Variants in NELL2 observed in about 807,000 individuals in gnomAD.
NELL2 encodes neural EGFL like 2, also known as protein kinase C-binding protein NELL2.
In NELL2, 41 loss-of-function variants were observed where a neutral mutation model predicts 109.6. The ratio of observed to expected loss-of-function variants is 0.37; its 90% CI spans 0.29 to 0.49. The LOEUF is 0.49. NELL2 is among the 20% of genes least tolerant of loss of function. NELL2 has a pLI of 0.98. For missense variants in NELL2, 900 were observed against 1,008.3 expected, an observed-to-expected ratio of 0.89 and a Z score of 1.45; for synonymous variants, 355 against 344.7, an observed-to-expected ratio of 1.03 and a Z score of -0.33.
At chr12:44,548,477 G>A (rs971277000) in intron 15 of NELL2, among the ~76,000 whole-genome samples, 10 of 151,586 alleles carry the variant, frequency 6.6e-5, no homozygotes, top group South Asian at 4.2e-4. Flanking sequence ...CCTGGGAGGC[G>A]GAGGTTGCAG....
chr12:44,859,547 A>C (rs1229154330), intron 2 of NELL2, among the ~76,000 whole-genome samples: 1 of 152,216 alleles, frequency 6.6e-6, no homozygotes, highest in Non-Finnish European at 1.5e-5. Context: ...TCTCAAGAAA[A>C]AAATAAAAAT....
intron 15 of NELL2, among the ~76,000 whole-genome samples, chr12:44,577,629 A>ACCATGCC (rs1944154410): frequency 6.6e-6 from 1 of 150,814 alleles, no homozygotes; most frequent in African/African-American, 2.4e-5. Context: ...AGGCGCCACC[A>ACCATGCC]CCATGCCCGG....
Position 44,508,889 on chromosome 12 carries a change from G to A in NELL2, c.*45C>T. ...TTTAACTTCTTTTTGGTCTTTTAAT[G>A]AAAGAACATTCTTTTAACAGAAATC... On this transcript the variant is annotated 3_prime_UTR_variant, in exon 20 of 20. Transcript: ENST00000429094. 1 of 1,545,524 alleles carries A rather than the reference G, an allele frequency of 6.5e-7. No individual in the cohort carries two copies. Among genetic ancestry groups the A allele is most frequent in the South Asian group, 1.2e-5 (1 of 85,260 alleles).
intron 13 of NELL2, among the ~76,000 whole-genome samples, chr12:44,644,612 A>ATGTATGTG (rs1374921371): frequency 6.3e-5 from 6 of 94,502 alleles, no homozygotes; most frequent in Admixed American, 1.1e-4. Flanking sequence ...ATGTATGTAT[A>ATGTATGTG]TATATATATA....
intron 1 of NELL2, among the ~76,000 whole-genome samples, chr12:44,887,364 C>A (rs1386167493): frequency 2.0e-5 from 3 of 151,842 alleles, no homozygotes; most frequent in Non-Finnish European, 4.4e-5. Context: ...TCAAAAGTGG[C>A]CGTAGTAATT....
In NELL2 at chr12:44,518,276, G is replaced by A. The variant is rs182720088; in HGVS notation, c.2400+1729C>T. Among the ~76,000 whole-genome samples, 214 of 147,304 alleles carry A rather than the reference G, an allele frequency of 1.5e-3. 2 individuals are homozygous for A. Among genetic ancestry groups the A allele is most frequent in the East Asian group, 0.011 (54 of 5,050 alleles). ...TTTTTTTTTTCTGAGATGGAGTCTC[G>A]CTCTGTTGCCCAGGCTGGAGGGCAG... On this transcript the variant is annotated intron_variant, in intron 19 of 19. Transcript: ENST00000429094.
intron 15 of NELL2, among the ~76,000 whole-genome samples, chr12:44,601,790 T>A (rs1945231725): frequency 6.6e-6 from 1 of 152,170 alleles, no homozygotes; most frequent in African/African-American, 2.4e-5. Context: ...ATTACTATCA[T>A]CTTTATTTTC....
intron 12 of NELL2, among the ~76,000 whole-genome samples, chr12:44,670,740 G>A (rs1948110507): frequency 6.6e-6 from 1 of 151,834 alleles, no homozygotes; most frequent in Non-Finnish European, 1.5e-5. Context: ...AATCAATTCA[G>A]TAGGAAGATA....
At chr12:44,509,111 T>G (rs1940861633) in intron 19 of NELL2, 127 bp from the exon 20 acceptor site, 3 of 739,978 alleles carry the variant, frequency 4.1e-6, no homozygotes, top group Admixed American at 5.1e-5. Context: ...AAAAATTCAA[T>G]GGCCCAATCA....
At chr12:44,817,121 A>G (rs1404514006) in intron 2 of NELL2, among the ~76,000 whole-genome samples, 2 of 152,210 alleles carry the variant, frequency 1.3e-5, no homozygotes, top group Non-Finnish European at 2.9e-5. Context: ...TGTCTCATGC[A>G]CTGTAAAACA....
At chr12:44,580,333 G>T (rs373342676) in intron 15 of NELL2, among the ~76,000 whole-genome samples, 2 of 152,108 alleles carry the variant, frequency 1.3e-5, no homozygotes, top group Non-Finnish European at 2.9e-5. Context: ...GGAGCAGCCC[G>T]CTACCCTCAC....
At chr12:44,785,897 T>C (rs2136614829) in intron 3 of NELL2, among the ~76,000 whole-genome samples, 1 of 152,206 alleles carries the variant, frequency 6.6e-6, no homozygotes, top group Non-Finnish European at 1.5e-5. Context: ...ATTAAAGACA[T>C]AAATGTAAAA....
chr12:44,901,323 C>G (rs1650589076), intron 1 of NELL2, among the ~76,000 whole-genome samples: 1 of 152,140 alleles, frequency 6.6e-6, no homozygotes, highest in South Asian at 2.1e-4. Context: ...TTCCTGGACA[C>G]ATACACCCTC....
At chr12:44,563,121 C>G (rs1412725339) in intron 15 of NELL2, among the ~76,000 whole-genome samples, 2 of 152,076 alleles carry the variant, frequency 1.3e-5, no homozygotes, top group Non-Finnish European at 2.9e-5. Context: ...AATGAGCACA[C>G]ATGGACACAG....
intron 9 of NELL2, among the ~76,000 whole-genome samples, chr12:44,746,400 T>C (rs1361314388): frequency 1.3e-5 from 2 of 152,132 alleles, no homozygotes; most frequent in African/African-American, 4.8e-5. Flanking sequence ...AAGTACTTCA[T>C]GTCTAAAACA....
chr12:44,518,566 GAA>G (rs1421064658), intron 19 of NELL2, among the ~76,000 whole-genome samples: 1 of 152,076 alleles, frequency 6.6e-6, no homozygotes, highest in Non-Finnish European at 1.5e-5. Context: ...CTTTACCCCA[GAA>G]AACAGTCTGA....
At position 44,576,621 on chromosome 12, in the gene NELL2, C is replaced by T. The variant is rs557114871; in HGVS notation, c.1663+30548G>A. On this transcript the variant is annotated intron_variant, in intron 15 of 19. Transcript: ENST00000429094. ...TGTGCAGGTTAGTTACATATGTATA[C>T]ATGTGCCATGCTGGTGCGCTGCACC... Among the ~76,000 whole-genome samples, 3 of 151,334 alleles carry T rather than the reference C, an allele frequency of 2.0e-5. No individual in the cohort carries two copies. In the South Asian group the frequency reaches 6.3e-4, roughly 32 times the overall value.
At chr12:44,791,655 G>C (rs886654820) in intron 3 of NELL2, among the ~76,000 whole-genome samples, 47 of 151,980 alleles carry the variant, frequency 3.1e-4, no homozygotes, top group African/African-American at 1.1e-3. Context: ...AAAAATAGTG[G>C]AGCTGGAGCT....
intron 11 of NELL2, among the ~76,000 whole-genome samples, chr12:44,708,573 A>T (rs367626537): frequency 1.3e-5 from 2 of 152,350 alleles, no homozygotes; most frequent in South Asian, 2.1e-4. Context: ...TTAAGCCTTG[A>T]AAACTTGACT....
Sources: allele counts gnomAD v4.1 joint callset (sites outside exome capture counted in the v4.1 genomes callset), GRCh38; gene constraint gnomAD v4.1.1; transcripts MANE v1.5; gene names NCBI Gene and HGNC (gene_info 2026-07-23, HGNC 2026-07-21).